The following MARK3 variants were observed in gnomAD, a reference collection of about 807,000 sequenced individuals.
MARK3 encodes the protein microtubule affinity regulating kinase 3.
MARK3 carries 46 observed loss-of-function variants against 90.1 expected under a neutral mutation model. The observed-to-expected ratio is 0.51, with a 90% CI of 0.40 to 0.65. The LOEUF (loss-of-function observed/expected upper bound fraction) is 0.65, where lower values mean the gene tolerates loss of function less well. MARK3 is among the 30% of genes least tolerant of loss of function. MARK3 has a pLI of 0.00. For missense variants in MARK3, 818 were observed against 947.2 expected (o/e 0.86, Z 1.79); for synonymous variants, 321 against 332.6 (o/e 0.97, Z 0.38).
chr14:103,492,481 A>C (rs2094033769), intron 15 of MARK3, among the ~76,000 whole-genome samples: 1 of 152,194 alleles, frequency 6.6e-6, no homozygotes, highest in South Asian at 2.1e-4. Context: ...GTTAAGGAGC[A>C]GTAAATTTCT....
In MARK3 at chr14:103,491,944, GC is replaced by G; in HGVS notation, c.1756del (p.Leu586CysfsTer23). The G allele has an allele frequency of 6.2e-7, 1 of 1,614,120 alleles. No individual in the cohort carries two copies. Among genetic ancestry groups the G allele is most frequent in the Non-Finnish European group, 8.5e-7 (1 of 1,180,016 alleles). ...ATYNGPPASP[S>X]LSHEATPLSQ... ...TATAATGGCCCTCCTGCCTCTCCCA[GC>G]CTGTCCCATGAAGCCACACCATTGT... On this transcript the variant is annotated frameshift_variant, in exon 15 of 18. Coordinates refer to ENST00000429436, the MANE Select transcript of MARK3 (RefSeq NM_001128918.3). LOFTEE classifies it high-confidence loss of function.
At position 103,420,801 on chromosome 14, in the gene MARK3, A is replaced by G. The variant is rs539601325; in HGVS notation, c.244-7586A>G. Among the ~76,000 whole-genome samples, 224 of 152,324 alleles carry G rather than the reference A, an allele frequency of 1.5e-3. 1 individual carries two copies. The highest frequency in any genetic ancestry group is 5.2e-3 in the African/African-American group (218 of 41,564). ...GACATATGCAGAACGGTGAAAAAAT[A>G]TGCACATCCCTAGTTGAGGTTCAAC... On this transcript the variant is annotated intron_variant, in intron 2 of 17. Coordinates refer to ENST00000429436, the MANE Select transcript of MARK3 (RefSeq NM_001128918.3).
chr14:103,478,987 C>G (rs1258327520), intron 13 of MARK3, among the ~76,000 whole-genome samples: 2 of 152,066 alleles, frequency 1.3e-5, no homozygotes, highest in Non-Finnish European at 2.9e-5. Context: ...CAATTGTGTA[C>G]AAATTTCTAT....
intron 1 of MARK3, among the ~76,000 whole-genome samples, chr14:103,397,559 T>G (rs745806924): frequency 2.0e-5 from 3 of 151,962 alleles, no homozygotes; most frequent in African/African-American, 7.2e-5. Flanking sequence ...ACTCCTGACC[T>G]TGTGATCCTC....
intron 16 of MARK3, 198 bp from the exon 17 acceptor site, chr14:103,499,958 C>T: frequency 1.7e-6 from 1 of 605,840 alleles, no homozygotes; most frequent in Non-Finnish European, 3.0e-6. Flanking sequence ...GTGCACACCC[C>T]TGCAGCCTTG....
intron 3 of MARK3, among the ~76,000 whole-genome samples, chr14:103,442,755 T>G (rs1354796338): frequency 6.6e-6 from 1 of 152,196 alleles, no homozygotes; most frequent in Non-Finnish European, 1.5e-5. Flanking sequence ...CCGGGAAATT[T>G]GTAGCCTTAA....
intron 8 of MARK3, 79 bp from the exon 9 acceptor site, chr14:103,465,893 A>AG: frequency 1.9e-6 from 3 of 1,561,638 alleles, no homozygotes; most frequent in Non-Finnish European, 1.7e-6. Context: ...GGGGGGTTTC[A>AG]GGGGGTTTTT....
chr14:103,449,072 AATAT>A, intron 4 of MARK3, 105 bp downstream of exon 4: 2 of 1,216,882 alleles, frequency 1.6e-6, no homozygotes, highest in Admixed American at 2.5e-5. Flanking sequence ...CTTCTAGTAA[AATAT>A]ATATACAAGT....
At chr14:103,411,199 G>A (rs35056010) in intron 2 of MARK3, among the ~76,000 whole-genome samples, 43,119 of 151,978 alleles carry the variant, frequency 0.28, 7,289 homozygotes, top group Non-Finnish European at 0.36. Context: ...GCATGAACCC[G>A]GGAGACGGAG....
chr14:103,466,425 C>T lies in MARK3; in HGVS notation c.980C>T (p.Ser327Leu). Residue 327 changes from serine to leucine, a missense_variant, in exon 10 of 18, where the codon TCA becomes TTA. This residue lies in a region of MARK3 where 560 missense variants were observed against 613.5 expected (regional missense o/e 0.91). Coordinates refer to ENST00000429436, the MANE Select transcript of MARK3 (RefSeq NM_001128918.3). Reference protein sequence around the residue: ...KPFVEPELDISDQKRIDIMVG... With the variant: ...KPFVEPELDILDQKRIDIMVG... ...TTTGTTGAACCAGAGCTAGACATCT[C>T]AGACCAAAAAAGAATAGGTAATCAC... 6.2e-7 allele frequency: 1 copy of T among 1,611,940 alleles called. No individual in the cohort carries two copies. The highest frequency in any genetic ancestry group is 8.5e-7 in the Non-Finnish European group (1 of 1,178,376).
At chr14:103,431,081 C>T (rs540184062) in intron 3 of MARK3, among the ~76,000 whole-genome samples, 19 of 151,728 alleles carry the variant, frequency 1.3e-4, no homozygotes, top group Admixed American at 3.9e-4. Context: ...TTTGTTTGTT[C>T]GTTTGTTTTT....
At chr14:103,499,468 CAT>C (rs1392261488) in intron 16 of MARK3, 1 of 152,120 alleles carries the variant, frequency 6.6e-6, no homozygotes, top group African/African-American at 2.4e-5. Flanking sequence ...AAAAGAAAAA[CAT>C]ATTTTTTGAT....
chr14:103,462,694 A>G (rs2093424997), intron 7 of MARK3, among the ~76,000 whole-genome samples: 2 of 152,182 alleles, frequency 1.3e-5, no homozygotes. Flanking sequence ...TCTCTGGAGA[A>G]CAGTCATCAC....
At position 103,475,204 on chromosome 14, in the gene MARK3, C is replaced by T. The variant is rs1358522199; in HGVS notation, c.1476C>T (p.Val492=). ...CTGAACGCAAGAAAAGCTCCACTGT[C>T]CCTAGTGTAAGTGTTGTTGAACTAT... is the stretch of plus-strand genomic sequence containing the variant. ...DIPERKKSST[V]PSSNTASGGM... Residue 492 remains valine, a synonymous_variant, in exon 13 of 18, where the codon GTC becomes GTT. Coordinates refer to ENST00000429436, the MANE Select transcript of MARK3 (RefSeq NM_001128918.3). The T allele has an allele frequency of 6.2e-7, 1 of 1,612,664 alleles. No individual in the cohort carries two copies. The highest frequency in any genetic ancestry group is 8.5e-7 in the Non-Finnish European group (1 of 1,179,864).
chr14:103,439,098 GTTTTTAA>G (rs1352018939), intron 3 of MARK3, among the ~76,000 whole-genome samples: 2 of 151,608 alleles, frequency 1.3e-5, no homozygotes, highest in Non-Finnish European at 2.9e-5. Flanking sequence ...TTAAAATTTA[GTTTTTAA>G]TTTTTATTAA....
chr14:103,487,991 T>C (rs946634816), intron 14 of MARK3, among the ~76,000 whole-genome samples: 18 of 151,058 alleles, frequency 1.2e-4, no homozygotes, highest in African/African-American at 3.9e-4. Flanking sequence ...GAGCTTGCAG[T>C]GAGCAGAGAT....
chr14:103,486,471 C>T (rs952792457), intron 14 of MARK3, among the ~76,000 whole-genome samples: 2 of 152,008 alleles, frequency 1.3e-5, no homozygotes, highest in Non-Finnish European at 2.9e-5. Context: ...TAATGTAATA[C>T]AGCTACTATG....
rs114466519 is a variant in MARK3 at position 103,431,054 on chromosome 14, A to G, written c.297+2614A>G. 1.6e-3 allele frequency among the ~76,000 whole-genome samples: 236 copies of G among 151,422 alleles called. 2 individuals are homozygous for G. The highest frequency in any genetic ancestry group is 5.5e-3 in the African/African-American group (228 of 41,218). On this transcript the variant is annotated intron_variant, in intron 3 of 17. Transcript: ENST00000429436. ...CTGGAATACTATTCTATTCTTACGCATCTTTTAGGTCAATTTTTTGTTTGT... is the reference window on the plus strand; with the variant it reads ...CTGGAATACTATTCTATTCTTACGCGTCTTTTAGGTCAATTTTTTGTTTGT...
At chr14:103,493,986 C>T (rs563048223) in intron 15 of MARK3, among the ~76,000 whole-genome samples, 21 of 151,726 alleles carry the variant, frequency 1.4e-4, no homozygotes, top group African/African-American at 5.1e-4. Context: ...GTAATCTCAG[C>T]ACTTTGGGAG....
Sources: gnomAD v4.1 joint callset for allele counts (sites outside exome capture counted in the v4.1 genomes callset) on GRCh38, gnomAD v4.1.1 for gene constraint, gnomAD v4.1.1 regional missense constraint, MANE v1.5 for transcripts, NCBI Gene and HGNC (gene_info 2026-07-23, HGNC 2026-07-21) for gene names.